Variants in CLMN observed in about 807,000 individuals in gnomAD.
CLMN encodes calmin (calponin-like, transmembrane).
A neutral mutation model predicts 92.7 loss-of-function variants in CLMN; 57 were observed. The ratio of observed to expected loss-of-function variants is 0.61; its 90% CI spans 0.50 to 0.77. CLMN has a LOEUF of 0.77. Ranked by LOEUF, CLMN falls within the 30% of genes least tolerant of loss-of-function variation. CLMN has a pLI of 0.00. For missense variants in CLMN, 1,158 were observed against 1,237.5 expected (o/e 0.94, Z 0.96); for synonymous variants, 466 against 470.6 (o/e 0.99, Z 0.13).
intron 1 of CLMN, among the ~76,000 whole-genome samples, chr14:95,295,149 C>T (rs1900751234): frequency 6.6e-6 from 1 of 152,208 alleles, no homozygotes; most frequent in Admixed American, 6.5e-5. Context: ...CCTCATACGA[C>T]CCTATAATAA....
rs532214311 is a variant in CLMN at position 95,284,629 on chromosome 14, T to C, written c.82+35082A>G. ...AAGATCATTTTGGAGCTTTAAATTT[T>C]GGTGCCCCCCACCCCCAAATTTCAG... On this transcript the variant is annotated intron_variant, in intron 1 of 12. Coordinates refer to ENST00000298912, the MANE Select transcript of CLMN (RefSeq NM_024734.4). 2.0e-5 allele frequency among the ~76,000 whole-genome samples: 3 copies of C among 152,300 alleles called. No individual in the cohort carries two copies. The South Asian group carries it at 6.2e-4, about 32-fold the overall frequency.
rs1003347930 is a variant in CLMN, at chr14:95,183,504, G to T, written c.*8060C>A. 1 of 152,236 alleles carries T rather than the reference G, an allele frequency of 6.6e-6. No homozygotes were observed. The highest frequency in any genetic ancestry group is 2.4e-5 in the African/African-American group (1 of 41,454). 9.4% of individuals were successfully genotyped at this position (152,236 alleles called of 1,614,324 possible). On this transcript the variant is annotated 3_prime_UTR_variant, in exon 13 of 13. Transcript: ENST00000298912. Reference sequence around the variant, plus strand: ...CCTGCCTCAGAGACCAACCAGTTATGAATTCATCCAAGTAATTCGTGGTCT... The same window carrying T: ...CCTGCCTCAGAGACCAACCAGTTATTAATTCATCCAAGTAATTCGTGGTCT...
At chr14:95,218,428 G>C (rs1184993064) in intron 4 of CLMN, among the ~76,000 whole-genome samples, 1 of 152,228 alleles carries the variant, frequency 6.6e-6, no homozygotes, top group Non-Finnish European at 1.5e-5. Flanking sequence ...TTGCAGGGGA[G>C]AGAGGAGAGG....
chr14:95,274,728 C>T (rs1899855982), intron 1 of CLMN, among the ~76,000 whole-genome samples: 11 of 152,224 alleles, frequency 7.2e-5, no homozygotes, highest in Admixed American at 7.2e-4. Flanking sequence ...CGCCTGTAAT[C>T]CCAGCACTTT....
At chr14:95,260,086 AG>A in intron 1 of CLMN, among the ~76,000 whole-genome samples, 1 of 152,300 alleles carries the variant, frequency 6.6e-6, no homozygotes. Flanking sequence ...GGCACATGGC[AG>A]GTGTTCAGTA....
At chr14:95,230,806 A>G (rs1374251375) in intron 1 of CLMN, among the ~76,000 whole-genome samples, 4 of 152,308 alleles carry the variant, frequency 2.6e-5, no homozygotes, top group Admixed American at 2.6e-4. Flanking sequence ...TTTTCTTTGT[A>G]GCTATTATTT....
At chr14:95,300,874 C>T (rs1441550725) in intron 1 of CLMN, among the ~76,000 whole-genome samples, 1 of 152,186 alleles carries the variant, frequency 6.6e-6, no homozygotes, top group Admixed American at 6.5e-5. Flanking sequence ...TGGGAAAGAG[C>T]CTGGAACCGA....
intron 1 of CLMN, among the ~76,000 whole-genome samples, chr14:95,318,356 A>T (rs1595131387): frequency 6.6e-6 from 1 of 152,208 alleles, no homozygotes; most frequent in Admixed American, 6.5e-5. Context: ...TTTAACACAA[A>T]TCACAGCCAG....
At chr14:95,253,512 T>C (rs1898869749) in intron 1 of CLMN, among the ~76,000 whole-genome samples, 1 of 152,120 alleles carries the variant, frequency 6.6e-6, no homozygotes, top group East Asian at 1.9e-4. Context: ...AAGTCTCGCA[T>C]GCAGGGAATG....
chr14:95,286,700 T>C (rs1263876285), intron 1 of CLMN, among the ~76,000 whole-genome samples: 2 of 152,130 alleles, frequency 1.3e-5, no homozygotes, highest in Non-Finnish European at 2.9e-5. Context: ...AATTATAAAA[T>C]TAATGGGAGT....
Position 95,210,708 on chromosome 14 carries a change from G to C in CLMN, c.780C>G (p.Ile260Met). The C allele has an allele frequency of 6.2e-7, 1 of 1,606,284 alleles. No homozygotes were observed. The highest frequency in any genetic ancestry group is 8.5e-7 in the Non-Finnish European group (1 of 1,176,898). The change falls in exon 7 of 13, where the codon ATC becomes ATG. Residue 260 changes from isoleucine (I) to methionine (M), a missense_variant. Ile to Met is a conservative substitution (Grantham distance 10). Coordinates refer to ENST00000298912, the MANE Select transcript of CLMN (RefSeq NM_024734.4). ...TACCTTCTGGCTCCAGGAGCCTGGG[G>C]ATGTGCAGGGCATCCTGTGCGATGC... ...AFSIAQDALH[I>M]PRLLEPEDIM...
intron 1 of CLMN, among the ~76,000 whole-genome samples, chr14:95,280,772 T>C (rs545698620): frequency 1.3e-5 from 2 of 152,308 alleles, no homozygotes; most frequent in Non-Finnish European, 2.9e-5. Context: ...AATATGTTAT[T>C]GGTATGTGTT....
chr14:95,196,245 C>G (rs1463977664), intron 10 of CLMN, among the ~76,000 whole-genome samples: 2 of 152,136 alleles, frequency 1.3e-5, no homozygotes, highest in African/African-American at 2.4e-5. Flanking sequence ...CTGCCAGCTT[C>G]CACCCAAAGG....
chr14:95,318,199 T>C (rs1413971195), intron 1 of CLMN, among the ~76,000 whole-genome samples: 1 of 152,112 alleles, frequency 6.6e-6, no homozygotes, highest in Non-Finnish European at 1.5e-5. Context: ...GACAGACAGG[T>C]ACACACACTC....
At chr14:95,235,934 C>A (rs932572920) in intron 1 of CLMN, among the ~76,000 whole-genome samples, 1 of 152,178 alleles carries the variant, frequency 6.6e-6, no homozygotes, top group Non-Finnish European at 1.5e-5. Flanking sequence ...GATGGGTGAG[C>A]TGCAGCACAG....
At position 95,221,748 on chromosome 14, in the gene CLMN, A is replaced by G. The variant is rs1897548114; in HGVS notation, c.267T>C (p.His89=). The change falls in exon 4 of 13, where the codon CAT becomes CAC. Residue 89 remains histidine (H), a synonymous_variant. Transcript: ENST00000298912. The part of the protein sequence containing the change: ...NLLHEYKSSS[H]RIFRLNNIAK... ...CTATGTTGTTCAACCGAAAAATACG[A>G]TGCGACGAGGATTTGTATTCGTGCA... 6.2e-7 allele frequency: 1 copy of G among 1,614,128 alleles called. No individual in the cohort carries two copies. Among genetic ancestry groups the G allele is most frequent in the African/African-American group, 1.3e-5 (1 of 74,954 alleles).
chr14:95,196,466 A>G, intron 10 of CLMN, 32 bp downstream of exon 10: 1 of 1,587,198 alleles, frequency 6.3e-7, no homozygotes, highest in South Asian at 1.2e-5. Flanking sequence ...CTCTGGCTCC[A>G]CCTTACGGGT....
At chr14:95,277,802 T>C (rs1899992183) in intron 1 of CLMN, among the ~76,000 whole-genome samples, 1 of 152,126 alleles carries the variant, frequency 6.6e-6, no homozygotes, top group Non-Finnish European at 1.5e-5. Flanking sequence ...TAATTTTTGA[T>C]TTTTAGTAGA....
At chr14:95,217,991 C>T (rs569817667) in intron 4 of CLMN, among the ~76,000 whole-genome samples, 1 of 152,326 alleles carries the variant, frequency 6.6e-6, no homozygotes, top group South Asian at 2.1e-4. Context: ...GGCTTGTGTG[C>T]CCAGCTACCA....
Sources: allele counts gnomAD v4.1 joint callset (sites outside exome capture counted in the v4.1 genomes callset), GRCh38; gene constraint gnomAD v4.1.1; transcripts MANE v1.5; gene names NCBI Gene and HGNC (gene_info 2026-07-23, HGNC 2026-07-21).